GIPC2: variants seen among roughly 807,000 people sequenced by gnomAD.
The protein encoded by GIPC2 is GIPC PDZ domain containing family member 2, also known as PDZ domain-containing protein GIPC2.
GIPC2 carries 30 observed loss-of-function variants against 30.6 expected under a neutral mutation model. The observed-to-expected ratio is 0.98, with a 90% CI of 0.73 to 1.33. GIPC2 has a LOEUF of 1.33. GIPC2 is among the 40% of genes most tolerant of loss of function. The probability of loss-of-function intolerance (pLI) is 0.00; values close to 1 mark genes in which losing one functional copy is unlikely to be tolerated. For missense variants in GIPC2, 414 were observed against 390.3 expected, an observed-to-expected ratio of 1.06 and a Z score of -0.51; for synonymous variants, 167 against 150.0, an observed-to-expected ratio of 1.11 and a Z score of -0.83.
At position 78,135,998 on chromosome 1, in the gene GIPC2, A is replaced by G. The variant is rs1057401636; in HGVS notation, c.*255A>G. On this transcript the variant is annotated 3_prime_UTR_variant, in exon 6 of 6. Coordinates refer to ENST00000370759, the MANE Select transcript of GIPC2 (RefSeq NM_017655.6). ...ATTCATTCAAAAGGTTTTTAAAAGT[A>G]AGTTTTAAGGAGTATTTCTCGACAG... is the stretch of plus-strand genomic sequence containing the variant. 1.0e-5 allele frequency: 3 copies of G among 300,108 alleles called. No homozygotes were observed. Among genetic ancestry groups the G allele is most frequent in the Admixed American group, 1.0e-4 (2 of 19,654 alleles). The allele number at this position is 300,108 out of a possible 1,614,324, so 18.6% of individuals were successfully genotyped here. A position where few individuals can be genotyped will look rare whatever the true frequency, so the allele number is the denominator to read the frequency against.
chr1:78,081,260 A>G (rs1181916085), intron 2 of GIPC2, among the ~76,000 whole-genome samples: 1 of 152,116 alleles, frequency 6.6e-6, no homozygotes, highest in African/African-American at 2.4e-5. Context: ...GCCCTTCAAA[A>G]TTTTAGGAAG....
At chr1:78,079,499 A>G (rs193066915) in intron 1 of GIPC2, among the ~76,000 whole-genome samples, 2 of 152,352 alleles carry the variant, frequency 1.3e-5, no homozygotes, top group East Asian at 3.9e-4. Flanking sequence ...GTTAGGAATT[A>G]GGACTGGTGT....
intron 1 of GIPC2, among the ~76,000 whole-genome samples, chr1:78,050,197 C>T (rs1661170492): frequency 1.4e-5 from 2 of 146,010 alleles, no homozygotes; most frequent in South Asian, 2.2e-4. Flanking sequence ...TGCACCTGGC[C>T]GGTTCCAAGT....
At chr1:78,093,628 T>C (rs1425456885) in intron 2 of GIPC2, among the ~76,000 whole-genome samples, 1 of 152,134 alleles carries the variant, frequency 6.6e-6, no homozygotes, top group East Asian at 1.9e-4. Context: ...ATGCTGGAGG[T>C]AGTTGAGATC....
intron 1 of GIPC2, among the ~76,000 whole-genome samples, chr1:78,070,912 CA>C (rs1306270996): frequency 6.6e-6 from 1 of 152,198 alleles, no homozygotes; most frequent in African/African-American, 2.4e-5. Flanking sequence ...ACTGCTGACC[CA>C]GGGCAGCTAA....
intron 5 of GIPC2, among the ~76,000 whole-genome samples, chr1:78,127,820 G>C (rs1359613740): frequency 1.3e-5 from 2 of 152,096 alleles, no homozygotes; most frequent in Non-Finnish European, 1.5e-5. Flanking sequence ...CTCCCACGTA[G>C]CTAGGACCAC....
chr1:78,107,807 AGAGT>A (rs1662387032), intron 3 of GIPC2, among the ~76,000 whole-genome samples: 1 of 141,016 alleles, frequency 7.1e-6, no homozygotes, highest in Non-Finnish European at 1.5e-5. Flanking sequence ...CCTGGGCAAC[AGAGT>A]GAAACTCTGT....
intron 1 of GIPC2, among the ~76,000 whole-genome samples, chr1:78,079,930 C>G (rs1305420554): frequency 6.6e-6 from 1 of 152,046 alleles, no homozygotes; most frequent in East Asian, 1.9e-4. Flanking sequence ...CTTTTTTGCT[C>G]TCTTTTTACT....
At chr1:78,071,020 G>GT (rs759529391) in intron 1 of GIPC2, among the ~76,000 whole-genome samples, 19 of 152,052 alleles carry the variant, frequency 1.2e-4, no homozygotes, top group Non-Finnish European at 2.2e-4. Context: ...ACGGTATCAG[G>GT]TTTCTAAATA....
chr1:78,085,034 T>G (rs1353894329), intron 2 of GIPC2, among the ~76,000 whole-genome samples: 1 of 152,230 alleles, frequency 6.6e-6, no homozygotes, highest in Non-Finnish European at 1.5e-5. Context: ...AGGGGAATGC[T>G]TCTGGCTTTT....
At chr1:78,109,306 T>C (rs1296251359) in intron 3 of GIPC2, among the ~76,000 whole-genome samples, 1 of 152,228 alleles carries the variant, frequency 6.6e-6, no homozygotes, top group Non-Finnish European at 1.5e-5. Flanking sequence ...TTGTGTCCCA[T>C]ATCTGAAGCT....
intron 1 of GIPC2, among the ~76,000 whole-genome samples, chr1:78,069,638 T>C (rs1418110440): frequency 6.6e-6 from 1 of 151,888 alleles, no homozygotes; most frequent in African/African-American, 2.4e-5. Context: ...CACACCTGGC[T>C]AATTTTTGTA....
intron 2 of GIPC2, among the ~76,000 whole-genome samples, chr1:78,094,519 G>T (rs116240452): frequency 0.018 from 2,700 of 152,270 alleles, 58 homozygotes; most frequent in South Asian, 0.1. Flanking sequence ...GCTTAGTTTA[G>T]AATTCAGCAT....
At chr1:78,046,722 T>C (rs1661099609) in intron 1 of GIPC2, among the ~76,000 whole-genome samples, 1 of 152,174 alleles carries the variant, frequency 6.6e-6, no homozygotes, top group African/African-American at 2.4e-5. Flanking sequence ...ATCTGGACTT[T>C]ACTCTCCTGT....
intron 5 of GIPC2, among the ~76,000 whole-genome samples, chr1:78,133,751 TGTGTG>T (rs1662947468): frequency 3.1e-3 from 1 of 320 alleles, no homozygotes; most frequent in Non-Finnish European, 9.1e-3. Flanking sequence ...AAAAAAAAAT[TGTGTG>T]TGTGTGTGTG....
At chr1:78,092,166 A>G (rs554631079) in intron 2 of GIPC2, 5 of 681,692 alleles carry the variant, frequency 7.3e-6, no homozygotes, top group South Asian at 4.1e-5. Context: ...TATAGTCTAG[A>G]GCCTTTAAAA....
At chr1:78,110,202 C>A (rs1662441480) in intron 3 of GIPC2, among the ~76,000 whole-genome samples, 2 of 151,934 alleles carry the variant, frequency 1.3e-5, no homozygotes, top group Non-Finnish European at 2.9e-5. Flanking sequence ...AAGAAACAGC[C>A]TATAATGCTT....
chr1:78,095,222 A>ATG (rs1232741497), intron 3 of GIPC2, 90 bp downstream of exon 3: 14 of 829,694 alleles, frequency 1.7e-5, no homozygotes, highest in Non-Finnish European at 2.7e-5. Flanking sequence ...ATATGGTGCT[A>ATG]TGTGCTTTTA....
rs1661760053 is a variant in GIPC2 at position 78,078,429 on chromosome 1, A to G, written c.241-2246A>G. 2.0e-5 allele frequency among the ~76,000 whole-genome samples: 3 copies of G among 152,128 alleles called. No homozygotes were observed. The South Asian group carries it at 6.2e-4, about 32-fold the overall frequency. Reference sequence around the variant, plus strand: ...ACCTTGCAGTGGCTATCACATTCCTACAGGTTTTCAACACAGCTTCCCATG... The same window carrying G: ...ACCTTGCAGTGGCTATCACATTCCTGCAGGTTTTCAACACAGCTTCCCATG... On this transcript the variant is annotated intron_variant, in intron 1 of 5. Transcript: ENST00000370759.
Sources: allele counts gnomAD v4.1 joint callset (sites outside exome capture counted in the v4.1 genomes callset), GRCh38; gene constraint gnomAD v4.1.1; transcripts MANE v1.5; gene names NCBI Gene and HGNC (gene_info 2026-07-23, HGNC 2026-07-21).